Variants in ITPR1 observed in about 807,000 individuals in gnomAD.
The protein encoded by ITPR1 is inositol 1,4,5-trisphosphate-gated calcium channel ITPR1.
In ITPR1, 96 loss-of-function variants were observed where a neutral mutation model predicts 318.4. That is an observed-to-expected ratio of 0.30 (90% confidence interval 0.26 to 0.36). The LOEUF (loss-of-function observed/expected upper bound fraction) is 0.36. ITPR1 is among the 10% of genes least tolerant of loss of function. ITPR1 has a pLI of 1.00. For missense variants in ITPR1, 2,440 were observed against 3,460.2 expected (o/e 0.71, Z 7.40); for synonymous variants, 1,312 against 1,289.9 (o/e 1.02, Z -0.37).
intron 17 of ITPR1, among the ~76,000 whole-genome samples, chr3:4,666,177 C>G (rs932310390): frequency 1.3e-5 from 2 of 152,148 alleles, no homozygotes; most frequent in African/African-American, 2.4e-5. Context: ...GTGAACTATC[C>G]CTGCCTTTTG....
chr3:4,675,410 G>C (rs2094164279), intron 23 of ITPR1, among the ~76,000 whole-genome samples, 162 bp downstream of exon 23: 1 of 152,224 alleles, frequency 6.6e-6, no homozygotes, highest in Non-Finnish European at 1.5e-5. Flanking sequence ...AAAGCGGAAA[G>C]AACAGTACGA....
chr3:4,722,297 A>G (rs1338808606), intron 40 of ITPR1, among the ~76,000 whole-genome samples: 2 of 152,192 alleles, frequency 1.3e-5, no homozygotes, highest in Non-Finnish European at 2.9e-5. Context: ...ACATCAGATC[A>G]CTATGAATCG....
At chr3:4,669,583 G>C (rs1170580922) in intron 18 of ITPR1, 71 bp from the exon 19 acceptor site, 2 of 1,480,996 alleles carry the variant, frequency 1.4e-6, no homozygotes, top group African/African-American at 2.8e-5. Context: ...TGCACTTAAG[G>C]AAGAATTGGG....
chr3:4,675,751 T>A (rs2094171433), intron 23 of ITPR1, among the ~76,000 whole-genome samples: 1 of 152,218 alleles, frequency 6.6e-6, no homozygotes, highest in Non-Finnish European at 1.5e-5. Flanking sequence ...TCTTCCTCGT[T>A]TTAGGGTCAG....
chr3:4,769,146 C>T (rs748253659), intron 46 of ITPR1, among the ~76,000 whole-genome samples: 2 of 152,066 alleles, frequency 1.3e-5, no homozygotes, highest in African/African-American at 4.8e-5. Context: ...GTGATCCCCC[C>T]ACCTTGGCCT....
At chr3:4,718,587 T>C (rs984788033) in intron 40 of ITPR1, among the ~76,000 whole-genome samples, 2 of 152,208 alleles carry the variant, frequency 1.3e-5, no homozygotes, top group African/African-American at 4.8e-5. Context: ...CTCACACAGC[T>C]AGACAGTGAC....
intron 4 of ITPR1, among the ~76,000 whole-genome samples, chr3:4,585,100 G>T (rs1420836798): frequency 6.6e-6 from 1 of 152,178 alleles, no homozygotes; most frequent in Non-Finnish European, 1.5e-5. Flanking sequence ...CCGGGCAGTT[G>T]TGTTGTCATC....
chr3:4,564,365 G>C (rs537841285), intron 4 of ITPR1, among the ~76,000 whole-genome samples: 1 of 152,112 alleles, frequency 6.6e-6, no homozygotes, highest in South Asian at 2.1e-4. Context: ...TCATGTTTGC[G>C]TGTGTTCTTT....
At chr3:4,673,482 T>TGTTG in intron 21 of ITPR1, 95 bp downstream of exon 21, 1 of 1,261,558 alleles carries the variant, frequency 7.9e-7, no homozygotes, top group Non-Finnish European at 1.0e-6. Flanking sequence ...AAAGATGAAG[T>TGTTG]GTTGGTTTTT....
At chr3:4,518,794 G>C (rs1448120625) in intron 3 of ITPR1, among the ~76,000 whole-genome samples, 1 of 152,198 alleles carries the variant, frequency 6.6e-6, no homozygotes, top group Non-Finnish European at 1.5e-5. Flanking sequence ...GTTCAGCTTG[G>C]TGCGGTAGCT....
chr3:4,660,838 G>A (rs2093816399), intron 13 of ITPR1, 150 bp from the exon 14 acceptor site: 1 of 438,454 alleles, frequency 2.3e-6, no homozygotes, highest in African/African-American at 2.0e-5. Context: ...GCTTGGACCT[G>A]GACCATTTGC....
intron 4 of ITPR1, among the ~76,000 whole-genome samples, chr3:4,547,810 G>A (rs2085170977): frequency 6.6e-6 from 1 of 152,152 alleles, no homozygotes; most frequent in Non-Finnish European, 1.5e-5. Context: ...TCCCTCCTCA[G>A]GACTTAGTGG....
Position 4,745,099 on chromosome 3 carries a change from CT to C in ITPR1, c.5544+9755del, listed in dbSNP as rs1170658899. On this transcript the variant is annotated intron_variant, in intron 44 of 61. Transcript: ENST00000649015. The stretch of plus-strand genomic sequence containing the variant: ...TTTCTTTCTCTCTCTTTCTCACTGT[CT>C]TTTTTTTTTCTTTCCCTCCTTCCCT... Among the ~76,000 whole-genome samples, 602 of 138,792 alleles carry C rather than the reference CT, an allele frequency of 4.3e-3. 5 individuals carry two copies. The highest frequency in any genetic ancestry group is 7.5e-3 in the Non-Finnish European group (475 of 63,232). The allele number at this position is 138,792 out of a possible 152,430, so 91.1% of individuals were successfully genotyped here.
intron 10 of ITPR1, 93 bp from the exon 11 acceptor site, chr3:4,652,030 A>G (rs1420312115): frequency 1.1e-6 from 1 of 948,218 alleles, no homozygotes; most frequent in Admixed American, 2.1e-5. Context: ...GCTTATAAAC[A>G]TCCCTCCTGA....
At chr3:4,800,226 A>G (rs757701172) in intron 53 of ITPR1, 199 bp from the exon 54 acceptor site, 27 of 537,032 alleles carry the variant, frequency 5.0e-5, no homozygotes, top group Admixed American at 1.2e-4. Context: ...TTCCCAGCAG[A>G]AGGAGCATGT....
intron 44 of ITPR1, among the ~76,000 whole-genome samples, chr3:4,765,673 T>C (rs11713227): frequency 0.3 from 45,451 of 151,832 alleles, 7,239 homozygotes; most frequent in Non-Finnish European, 0.35. Context: ...GTTTTTTTTT[T>C]CTCTGGAAAT....
intron 4 of ITPR1, among the ~76,000 whole-genome samples, chr3:4,595,729 G>A (rs1272733372): frequency 1.3e-5 from 2 of 152,124 alleles, no homozygotes; most frequent in African/African-American, 4.8e-5. Flanking sequence ...TGCTTTGAGG[G>A]GAGGTGATGA....
At chr3:4,815,985 T>TACACAC (rs10607666) in intron 59 of ITPR1, among the ~76,000 whole-genome samples, 72 of 149,694 alleles carry the variant, frequency 4.8e-4, no homozygotes, top group East Asian at 2.2e-3. Context: ...ATTTGCTTTA[T>TACACAC]ACACACACAC....
intron 41 of ITPR1, among the ~76,000 whole-genome samples, chr3:4,726,480 A>C (rs1224668031): frequency 6.6e-6 from 1 of 152,216 alleles, no homozygotes; most frequent in Non-Finnish European, 1.5e-5. Context: ...TAATTTCAGA[A>C]ACTATTCCAA....
Sources: allele counts gnomAD v4.1 joint callset (sites outside exome capture counted in the v4.1 genomes callset), GRCh38; gene constraint gnomAD v4.1.1; transcripts MANE v1.5; gene names NCBI Gene and HGNC (gene_info 2026-07-23, HGNC 2026-07-21).